SLC5A11: variants seen among roughly 807,000 people sequenced by gnomAD.
SLC5A11 encodes the protein sodium/myo-inositol cotransporter 2.
SLC5A11 carries 48 observed loss-of-function variants against 69.8 expected under a neutral mutation model. The observed-to-expected ratio is 0.69, with a 90% CI of 0.55 to 0.87. SLC5A11 has a LOEUF of 0.87. Among genes scored for constraint, SLC5A11 ranks in the 40% least tolerant of loss-of-function variants. SLC5A11 has a pLI of 0.00. For synonymous variants in SLC5A11, 319 were observed against 342.4 expected, an observed-to-expected ratio of 0.93 and a Z score of 0.75; for missense variants, 784 against 866.1, an observed-to-expected ratio of 0.91 and a Z score of 1.19.
chr16:24,895,678 C>T (rs991690277), intron 9 of SLC5A11, among the ~76,000 whole-genome samples: 7 of 152,102 alleles, frequency 4.6e-5, no homozygotes, highest in East Asian at 3.9e-4. Flanking sequence ...GAATTCTGAC[C>T]GGCTGAATGT....
chr16:24,886,018 T>G (rs1442513829), intron 8 of SLC5A11, among the ~76,000 whole-genome samples: 1 of 150,172 alleles, frequency 6.7e-6, no homozygotes, highest in Non-Finnish European at 1.5e-5. Flanking sequence ...AAACCCAGGA[T>G]GAAAACAAAT....
chr16:24,886,295 A>C (rs2048393319), intron 8 of SLC5A11, among the ~76,000 whole-genome samples: 2 of 152,166 alleles, frequency 1.3e-5, no homozygotes, highest in Non-Finnish European at 2.9e-5. Flanking sequence ...GGCCTCCCAA[A>C]GTGCTGGGAT....
chr16:24,907,839 T>C, intron 12 of SLC5A11, 124 bp from the exon 14 acceptor site: 2 of 1,269,578 alleles, frequency 1.6e-6, no homozygotes, highest in Non-Finnish European at 2.2e-6. Context: ...TGAGCTATGC[T>C]CTCACCACTG....
Position 24,882,297 on chromosome 16 carries a change from TG to T in SLC5A11, c.584-1750del, listed in dbSNP as rs1416723989. Among the ~76,000 whole-genome samples, 6 of 152,252 alleles carry T rather than the reference TG, an allele frequency of 3.9e-5. No individual in the cohort carries two copies. In the South Asian group the frequency reaches 6.2e-4, roughly 16 times the overall value. On this transcript the variant is annotated intron_variant, in intron 7 of 15. Coordinates refer to ENST00000347898, the Ensembl canonical transcript of SLC5A11. ...ATCACTGTTAATATAGAAAGGATGG[TG>T]GGGTTAAGTGGTACCCAACACCAGG... is the stretch of plus-strand genomic sequence containing the variant.
chr16:24,866,228 A>G (rs908064156), intron 3 of SLC5A11, among the ~76,000 whole-genome samples: 2 of 151,668 alleles, frequency 1.3e-5, no homozygotes, highest in Non-Finnish European at 1.5e-5. Flanking sequence ...AAACACTCCA[A>G]TCAAAAGGCA....
chr16:24,853,947 G>T (rs1295761404), intron 1 of SLC5A11, among the ~76,000 whole-genome samples: 1 of 152,210 alleles, frequency 6.6e-6, no homozygotes, highest in Admixed American at 6.5e-5. Flanking sequence ...CGCTGTTCCT[G>T]TCTCCACCGT....
chr16:24,859,607 A>AG (rs2059676161), intron 2 of SLC5A11, among the ~76,000 whole-genome samples: 1 of 147,942 alleles, frequency 6.8e-6, no homozygotes. Context: ...TGCAAATCCA[A>AG]GCAAATTTTA....
chr16:24,873,690 C>G (rs2047482530), intron 5 of SLC5A11, among the ~76,000 whole-genome samples: 1 of 151,800 alleles, frequency 6.6e-6, no homozygotes, highest in Admixed American at 6.6e-5. Context: ...AATGCCTTCC[C>G]TTCTCCTTGG....
chr16:24,876,976 T>G (rs2047716245), intron 6 of SLC5A11: 2 of 773,732 alleles, frequency 2.6e-6, no homozygotes, highest in Non-Finnish European at 3.5e-6. Flanking sequence ...GTGATCATTA[T>G]GGTATTTAAT....
chr16:24,869,775 G>A (rs1466602377), intron 3 of SLC5A11, 126 bp from the exon 5 acceptor site: 2 of 641,422 alleles, frequency 3.1e-6, no homozygotes, highest in South Asian at 1.9e-5. Flanking sequence ...TGCCAGATAG[G>A]CTAGGGGTGG....
chr16:24,904,372 TG>T (rs1315914741), intron 10 of SLC5A11, among the ~76,000 whole-genome samples: 2 of 152,240 alleles, frequency 1.3e-5, no homozygotes, highest in Non-Finnish European at 2.9e-5. Context: ...CCACCAACAA[TG>T]TATAAGAGTT....
intron 14 of SLC5A11, among the ~76,000 whole-genome samples, chr16:24,909,643 CAAAAA>C (rs35334841): frequency 1.2e-4 from 6 of 48,908 alleles, no homozygotes; most frequent in African/African-American, 1.7e-4. Context: ...CCCTGTCTCA[CAAAAA>C]AAAAAAAAAA....
intron 1 of SLC5A11, among the ~76,000 whole-genome samples, chr16:24,849,459 C>T (rs895542826): frequency 1.3e-5 from 2 of 149,374 alleles, no homozygotes; most frequent in African/African-American, 2.5e-5. Context: ...CCCAGCTACT[C>T]GGGAGGCTGA....
In SLC5A11 at chr16:24,906,754, C is replaced by A. The variant is rs529082717; in HGVS notation, c.1104C>A (p.Leu368=). 7.8e-5 allele frequency: 126 copies of A among 1,612,330 alleles called. No individual in the cohort carries two copies. The South Asian group carries it at 1.4e-3, about 18-fold the overall frequency. ...CGTATCCCAAACTCGTGCTGGAACT[C>A]CTGCCCACAGGTAATGTCCCTTCAC... Residue 368 remains leucine, a synonymous_variant, in exon 11 of 16, where the codon CTC becomes CTA. Transcript: ENST00000347898.
At chr16:24,860,715 T>C (rs554719030) in intron 2 of SLC5A11, among the ~76,000 whole-genome samples, 2 of 150,712 alleles carry the variant, frequency 1.3e-5, no homozygotes, top group African/African-American at 4.9e-5. Flanking sequence ...TTGTTTTTTG[T>C]TTTTTGTTTT....
intron 10 of SLC5A11, among the ~76,000 whole-genome samples, chr16:24,904,919 C>T (rs1229662913): frequency 1.3e-5 from 2 of 152,034 alleles, no homozygotes; most frequent in African/African-American, 4.8e-5. Context: ...AGGTATTTGT[C>T]CTAATGCTCT....
At chr16:24,863,874 C>G (rs186650017) in intron 3 of SLC5A11, among the ~76,000 whole-genome samples, 17 of 152,246 alleles carry the variant, frequency 1.1e-4, no homozygotes, top group Non-Finnish European at 1.8e-4. Flanking sequence ...AGAACTCTTT[C>G]AAAACTCCAT....
intron 3 of SLC5A11, among the ~76,000 whole-genome samples, chr16:24,869,267 C>A (rs1408249762): frequency 1.3e-5 from 2 of 152,086 alleles, no homozygotes; most frequent in African/African-American, 2.4e-5. Flanking sequence ...CCCTCACCCC[C>A]AGCACACACA....
chr16:24,883,368 A>AC (rs2048171913), intron 7 of SLC5A11, among the ~76,000 whole-genome samples: 1 of 152,072 alleles, frequency 6.6e-6, no homozygotes, highest in Non-Finnish European at 1.5e-5. Context: ...CCTGGCTCTA[A>AC]AAAATAAATA....
Sources: allele counts gnomAD v4.1 joint callset (sites outside exome capture counted in the v4.1 genomes callset), GRCh38; gene constraint gnomAD v4.1.1; transcripts MANE v1.5; gene names NCBI Gene and HGNC (gene_info 2026-07-23, HGNC 2026-07-21).